PCDHGA7: variants seen among roughly 807,000 people sequenced by gnomAD.
PCDHGA7 encodes the protein protocadherin gamma subfamily A, 7.
A neutral mutation model predicts 58.3 loss-of-function variants in PCDHGA7; 44 were observed. The observed-to-expected ratio is 0.75, with a 90% CI of 0.59 to 0.97. PCDHGA7 has a LOEUF of 0.97. PCDHGA7 is among the 50% of genes least tolerant of loss of function. The pLI is 0.00. For synonymous variants in PCDHGA7, 516 were observed against 504.2 expected (o/e 1.02, Z -0.31); for missense variants, 1,266 against 1,188.7 (o/e 1.06, Z -0.96).
chr5:141,383,911 T>C lies in PCDHGA7; in HGVS notation c.1012T>C (p.Leu338=). The C allele has an allele frequency of 6.2e-7, 1 of 1,613,926 alleles. No individual in the cohort carries two copies. The highest frequency in any genetic ancestry group is 8.5e-7 in the Non-Finnish European group (1 of 1,179,882). Residue 338 remains leucine, a synonymous_variant, in exon 1 of 4, where the codon TTA becomes CTA. Coordinates refer to ENST00000518325, the MANE Select transcript of PCDHGA7 (RefSeq NM_018920.4). ...LTKAKVLITV[L]DVNDNAPEVT... ...AAAGGCAAAAGTACTGATCACAGTTTTAGATGTAAATGATAATGCTCCAGA... is the reference window on the plus strand; with the variant it reads ...AAAGGCAAAAGTACTGATCACAGTTCTAGATGTAAATGATAATGCTCCAGA...
At position 141,409,480 on chromosome 5, in the gene PCDHGA7, CAG is replaced by C. The variant is rs761811893; in HGVS notation, c.2424+24158_2424+24159del. 9 of 1,614,002 alleles carry C rather than the reference CAG, an allele frequency of 5.6e-6. No homozygotes were observed. In the Admixed American group the frequency reaches 8.3e-5, roughly 15 times the overall value. On this transcript the variant is annotated intron_variant, in intron 1 of 3. Transcript: ENST00000518325. ...ACAATGTCACCATCGTAGCCACTGA[CAG>C]GGGCAAGCCGCCTCTTTCTTCCAGT...
chr5:141,441,656 C>A, intron 1 of PCDHGA7: 1 of 247,684 alleles, frequency 4.0e-6, no homozygotes, highest in Non-Finnish European at 8.1e-6. Flanking sequence ...TCTAGGTGTC[C>A]TTGAGCGCAC....
intron 1 of PCDHGA7, among the ~76,000 whole-genome samples, chr5:141,401,114 CG>C (rs566829189): frequency 5.5e-4 from 84 of 152,224 alleles, no homozygotes; most frequent in African/African-American, 2.0e-3. Context: ...GAGGCCGAGG[CG>C]GTTGGATCAC....
At chr5:141,454,000 T>C (rs1048921374) in intron 1 of PCDHGA7, among the ~76,000 whole-genome samples, 2 of 152,214 alleles carry the variant, frequency 1.3e-5, no homozygotes, top group African/African-American at 4.8e-5. Flanking sequence ...TAAACCCACA[T>C]AACATTTTAG....
In PCDHGA7 at chr5:141,384,399, A is replaced by G. The variant is rs1269939422; in HGVS notation, c.1500A>G (p.Pro500=). 1.2e-6 allele frequency: 2 copies of G among 1,613,970 alleles called. No individual in the cohort carries two copies. Among genetic ancestry groups the G allele is most frequent in the Non-Finnish European group, 1.7e-6 (2 of 1,179,890 alleles). Residue 500 remains proline, a synonymous_variant, in exon 1 of 4, where the codon CCA becomes CCG. Coordinates refer to ENST00000518325, the MANE Select transcript of PCDHGA7 (RefSeq NM_018920.4). ...CCGAAGACACCATCCAGGGGGCTCC[A>G]GTGTCCTCCTATGTCTCCATAAACT... ...SLAEDTIQGA[P]VSSYVSINSD...
chr5:141,472,529 G>C lies in PCDHGA7; in HGVS notation c.2425-22278G>C, dbSNP rs553065027. 9.3e-5 allele frequency among the ~76,000 whole-genome samples: 14 copies of C among 151,058 alleles called. No individual in the cohort carries two copies. In the East Asian group the frequency reaches 2.6e-3, roughly 28 times the overall value. ...CACTCCAGCCTGGGTGACAGAGTGA[G>C]ACACCATCTCAAGAAAAAAAAAATT... On this transcript the variant is annotated intron_variant, in intron 1 of 3. Transcript: ENST00000518325.
intron 3 of PCDHGA7, among the ~76,000 whole-genome samples, chr5:141,505,981 A>G (rs1285802357): frequency 6.6e-6 from 1 of 151,898 alleles, no homozygotes; most frequent in Non-Finnish European, 1.5e-5. Context: ...CCGAGAGAAC[A>G]CCTCCTCTTT....
intron 1 of PCDHGA7, among the ~76,000 whole-genome samples, chr5:141,474,185 C>A (rs1481544975): frequency 6.6e-6 from 1 of 152,180 alleles, no homozygotes; most frequent in Non-Finnish European, 1.5e-5. Flanking sequence ...AAACTACTTA[C>A]ATTTTTAAAA....
At chr5:141,395,029 A>G (rs1589250627) in intron 1 of PCDHGA7, 1 of 1,613,976 alleles carries the variant, frequency 6.2e-7, no homozygotes, top group Non-Finnish European at 8.5e-7. Context: ...CCTGCCTCAC[A>G]TTTTGTGGGT....
rs537684458 is a variant in PCDHGA7, at chr5:141,431,679, T to G, written c.2424+46356T>G. The G allele has an allele frequency of 1.5e-5, 24 of 1,614,222 alleles. No individual in the cohort carries two copies. The highest frequency in any genetic ancestry group is 3.3e-5 in the Admixed American group (2 of 60,028). On this transcript the variant is annotated intron_variant, in intron 1 of 3. Coordinates refer to ENST00000518325, the MANE Select transcript of PCDHGA7 (RefSeq NM_018920.4). The surrounding 1 kb of genome is among the most constrained non-coding windows in gnomAD (Gnocchi z 4.8). ...GGGACAATATCAACAATAGGGGAGT[T>G]GGACCACGAGGAGTCAGGATTCTAC...
chr5:141,404,540 A>G, intron 1 of PCDHGA7: 2 of 1,613,920 alleles, frequency 1.2e-6, no homozygotes, highest in Non-Finnish European at 1.7e-6. Context: ...AGATTTGCAA[A>G]TGCAGGTGAC....
In PCDHGA7 at chr5:141,432,896, G is replaced by A. The variant is rs2097547014; in HGVS notation, c.2424+47573G>A. On this transcript the variant is annotated intron_variant, in intron 1 of 3. Transcript: ENST00000518325. This position sits in a 1 kb window ranked among gnomAD's most constrained non-coding sequence, Gnocchi z 6.0. ...CCTGGCCTTCGTCATCTTGCTGCTG[G>A]CGCTCAGGCTGCGGCGCTGGCACAA... is the stretch of plus-strand genomic sequence containing the variant. 6.2e-7 allele frequency: 1 copy of A among 1,614,056 alleles called. No homozygotes were observed. Among genetic ancestry groups the A allele is most frequent in the African/African-American group, 1.3e-5 (1 of 74,946 alleles).
intron 1 of PCDHGA7, chr5:141,428,217 C>A: frequency 8.3e-7 from 1 of 1,211,998 alleles, no homozygotes; most frequent in Non-Finnish European, 1.2e-6. Context: ...TTCACCTAGT[C>A]TTCGCAGACA....
At chr5:141,403,708 T>C (rs1265644591) in intron 1 of PCDHGA7, 2 of 1,613,906 alleles carry the variant, frequency 1.2e-6, no homozygotes, top group South Asian at 1.1e-5. Flanking sequence ...TTAAAGTCCT[T>C]GAGAACGTGC....
At chr5:141,488,217 A>G (rs537136341) in intron 1 of PCDHGA7, among the ~76,000 whole-genome samples, 2 of 152,274 alleles carry the variant, frequency 1.3e-5, no homozygotes, top group East Asian at 1.9e-4. Flanking sequence ...TCAAGTCCCT[A>G]CTGGGGATTT....
chr5:141,418,523 C>G (rs2096266495), intron 1 of PCDHGA7: 1 of 1,613,958 alleles, frequency 6.2e-7, no homozygotes, highest in Non-Finnish European at 8.5e-7. Context: ...GGACCCTCCC[C>G]GAAGCGGTAC....
intron 1 of PCDHGA7, chr5:141,392,678 G>A: frequency 1.1e-6 from 1 of 941,110 alleles, no homozygotes; most frequent in Non-Finnish European, 1.5e-6. Flanking sequence ...CTGCTGGACT[G>A]CAGCGAAACC....
At position 141,431,035 on chromosome 5, in the gene PCDHGA7, G is replaced by C; in HGVS notation, c.2424+45712G>C. The C allele has an allele frequency of 6.2e-7, 1 of 1,614,186 alleles. No individual in the cohort carries two copies. Among genetic ancestry groups the C allele is most frequent in the South Asian group, 1.1e-5 (1 of 91,086 alleles). ...TGGTCACGGCGGGCAGGATAGACCG[G>C]GAGGAGCTCTGTATGGGGGCCATCA... On this transcript the variant is annotated intron_variant, in intron 1 of 3. Transcript: ENST00000518325. The surrounding 1 kb of genome is among the most constrained non-coding windows in gnomAD (Gnocchi z 4.8).
chr5:141,473,269 A>G (rs2099318337), intron 1 of PCDHGA7, among the ~76,000 whole-genome samples: 1 of 152,208 alleles, frequency 6.6e-6, no homozygotes. Flanking sequence ...AGTGTATGCT[A>G]TGATTATTTT....
Sources: allele counts gnomAD v4.1 joint callset (sites outside exome capture counted in the v4.1 genomes callset), GRCh38; gene constraint gnomAD v4.1.1; non-coding constraint Gnocchi (gnomAD v3.1); transcripts MANE v1.5; gene names NCBI Gene and HGNC (gene_info 2026-07-23, HGNC 2026-07-21).